SLC44A2: variants seen among roughly 807,000 people sequenced by gnomAD.
SLC44A2 encodes the protein choline transporter-like protein 2.
A neutral mutation model predicts 90.8 loss-of-function variants in SLC44A2; 57 were observed. The ratio of observed to expected loss-of-function variants is 0.63; its 90% confidence interval spans 0.51 to 0.78. SLC44A2 has a LOEUF of 0.78. Ranked by LOEUF, SLC44A2 falls within the 30% of genes least tolerant of loss-of-function variation. The probability of loss-of-function intolerance (pLI) is 0.00; values close to 1 mark genes in which losing one functional copy is unlikely to be tolerated. For missense variants in SLC44A2, 794 were observed against 919.7 expected (o/e 0.86, Z 1.77); for synonymous variants, 355 against 360.7 (o/e 0.98, Z 0.18).
At chr19:10,605,695 A>C (rs983643141) in intron 1 of SLC44A2, among the ~76,000 whole-genome samples, 3 of 151,608 alleles carry the variant, frequency 2.0e-5, no homozygotes, top group Admixed American at 1.3e-4. Flanking sequence ...TCAAAAAAAA[A>C]AAAGGACTCT....
chr19:10,621,884 T>C (rs2066897345), upstream of SLC44A2, among the ~76,000 whole-genome samples: 2 of 152,202 alleles, frequency 1.3e-5, no homozygotes, highest in South Asian at 4.1e-4. Flanking sequence ...CCCAAAGTGC[T>C]GGGATTATAG....
intron 20 of SLC44A2, 134 bp from the exon 21 acceptor site, chr19:10,642,233 G>T (rs1417348062): frequency 4.3e-6 from 3 of 692,226 alleles, no homozygotes. Context: ...GGGGGTGAGG[G>T]GTTGGGATGT....
chr19:10,626,236 ATCT>A lies in SLC44A2; in HGVS notation c.38-12_38-10del, dbSNP rs1465933228. The A allele has an allele frequency of 1.9e-6, 3 of 1,609,362 alleles. No individual in the cohort carries two copies. Among genetic ancestry groups the A allele is most frequent in the African/African-American group, 1.3e-5 (1 of 74,768 alleles). On this transcript the variant is annotated splice_polypyrimidine_tract_variant and intron_variant, in intron 1 of 21. Transcript: ENST00000335757. Reference sequence around the variant, plus strand: ...CAGGTCTCCAATCCCATCCATCTTAATCTTCTTGACTTTCAGGAACGCCACAGA... The same window carrying A: ...CAGGTCTCCAATCCCATCCATCTTAATCTTGACTTTCAGGAACGCCACAGA...
At chr19:10,626,182 G>T (rs1047480528) in intron 1 of SLC44A2, 71 bp from the exon 2 acceptor site, 4 of 1,274,776 alleles carry the variant, frequency 3.1e-6, no homozygotes, top group Non-Finnish European at 4.6e-6. Context: ...GGGCTTTTGG[G>T]AGGGGGCTCT....
intron 16 of SLC44A2, 179 bp from the exon 17 acceptor site, chr19:10,637,465 G>C (rs2067070219): frequency 1.6e-6 from 1 of 608,540 alleles, no homozygotes. Context: ...AGGCTGGAGT[G>C]CAGTGGCACC....
In SLC44A2 at chr19:10,627,973, G is replaced by A. The variant is rs370967005; in HGVS notation, c.214G>A (p.Glu72Lys). The part of the protein sequence containing the change: ...KVIYPTDSRG[E>K]FCGQKGTKNE... ...GATCTACCCCACTGACAGCCGGGGCGAGTTCTGCGGGCAGAAGGGCACAAA... is the reference window on the plus strand; with the variant it reads ...GATCTACCCCACTGACAGCCGGGGCAAGTTCTGCGGGCAGAAGGGCACAAA... Residue 72 changes from glutamate (E) to lysine (K), a missense_variant, in exon 4 of 22, where the codon GAG becomes AAG. Coordinates refer to ENST00000335757, the MANE Select transcript of SLC44A2 (RefSeq NM_020428.4). 1.7e-5 allele frequency: 27 copies of A among 1,613,746 alleles called. No individual in the cohort carries two copies. Among genetic ancestry groups the A allele is most frequent in the Middle Eastern group, 1.6e-4 (1 of 6,082 alleles).
chr19:10,607,343 T>A (rs2144801507), intron 1 of SLC44A2, among the ~76,000 whole-genome samples: 1 of 151,812 alleles, frequency 6.6e-6, no homozygotes, highest in African/African-American at 2.4e-5. Flanking sequence ...CTTTATTCTT[T>A]GTTGTTGTTG....
At position 10,627,928 on chromosome 19, in the gene SLC44A2, C is replaced by G; in HGVS notation, c.169C>G (p.His57Asp). 2 of 1,614,004 alleles carry G rather than the reference C, an allele frequency of 1.2e-6. No homozygotes were observed. Among genetic ancestry groups the G allele is most frequent in the Non-Finnish European group, 1.7e-6 (2 of 1,179,984 alleles). Reference sequence around the variant, plus strand: ...CCTGGATCTTTCCACAGCCTGGACTCATGGAGACCCTCGAAAGGTGATCTA... The same window carrying G: ...CCTGGATCTTTCCACAGCCTGGACTGATGGAGACCCTCGAAAGGTGATCTA... ...YVAVGIIAWT[H>D]GDPRKVIYPT... Residue 57 changes from histidine to aspartate, a missense_variant, in exon 4 of 22, where the codon CAT (histidine) becomes GAT (aspartate). By Grantham distance (81) the His-to-Asp change is moderately conservative (BLOSUM62 -1). This residue lies in a region of SLC44A2 where 738 missense variants were observed against 841.1 expected (regional missense o/e 0.88). Transcript: ENST00000335757.
chr19:10,639,836 G>A (rs546897421), intron 20 of SLC44A2, among the ~76,000 whole-genome samples: 81 of 152,026 alleles, frequency 5.3e-4, no homozygotes, highest in African/African-American at 1.8e-3. Flanking sequence ...AGCCGAGATC[G>A]CGCCACTGCA....
At position 10,643,502 on chromosome 19, in the gene SLC44A2, C is replaced by A; in HGVS notation, c.*117C>A. ...GTCCTATCACTGCCGCTCTGCCCCT[C>A]CCCATGAGCCAGATCCCACCAGTTT... On this transcript the variant is annotated 3_prime_UTR_variant, in exon 22 of 22. Transcript: ENST00000335757. 1 of 1,206,930 alleles carries A rather than the reference C, an allele frequency of 8.3e-7. No individual in the cohort carries two copies. Among genetic ancestry groups the A allele is most frequent in the Non-Finnish European group, 1.1e-6 (1 of 878,564 alleles). 74.8% of individuals were successfully genotyped at this position (1,206,930 alleles called of 1,614,324 possible).
intron 1 of SLC44A2, among the ~76,000 whole-genome samples, chr19:10,605,391 G>C (rs559892824): frequency 6.6e-5 from 10 of 152,228 alleles, no homozygotes; most frequent in Non-Finnish European, 2.9e-5. Context: ...GTGCATGCCT[G>C]TAATCCCAGC....
chr19:10,626,134 T>C, intron 1 of SLC44A2, 119 bp from the exon 2 acceptor site: 2 of 833,692 alleles, frequency 2.4e-6, no homozygotes, highest in South Asian at 2.8e-5. Context: ...TCCACAGGTC[T>C]CTGAATTTTA....
chr19:10,607,283 T>C (rs1344344925), intron 1 of SLC44A2, among the ~76,000 whole-genome samples: 1 of 152,098 alleles, frequency 6.6e-6, no homozygotes, highest in East Asian at 1.9e-4. Context: ...CAAAAGATGT[T>C]ACGGCTTTGA....
chr19:10,613,066 T>C (rs1165207426), intron 1 of SLC44A2, among the ~76,000 whole-genome samples: 1 of 151,590 alleles, frequency 6.6e-6, no homozygotes, highest in Non-Finnish European at 1.5e-5. Context: ...ATTTGTTTGG[T>C]TTTGGTTTTT....
chr19:10,603,681 A>G lies in SLC44A2; in HGVS notation c.31+1120A>G, dbSNP rs773388639. On this transcript the variant is annotated intron_variant, in intron 1 of 21. Coordinates refer to the SLC44A2 transcript ENST00000407327. ...GCCACCTCCCAGCACCCCCTCCCCA[A>G]TTGAAGCTTCCAGCCCAGTCCCCTG... Among the ~76,000 whole-genome samples, 61 of 152,256 alleles carry G rather than the reference A, an allele frequency of 4.0e-4. 1 individual carries two copies. Among genetic ancestry groups the G allele is most frequent in the South Asian group, 2.1e-4 (1 of 4,826 alleles).
rs201993000 is a variant in SLC44A2, at chr19:10,636,595, C to A, written c.1496+10C>A. On this transcript the variant is annotated intron_variant, in intron 15 of 21. Transcript: ENST00000335757. ...TTGGCCGGGCGCTCAGGTGGGCTGGCGTTGCAGGCAGGATGGGGTGGAGGA... is the reference window on the plus strand; with the variant it reads ...TTGGCCGGGCGCTCAGGTGGGCTGGAGTTGCAGGCAGGATGGGGTGGAGGA... 6.2e-7 allele frequency: 1 copy of A among 1,603,528 alleles called. No individual in the cohort carries two copies. Among genetic ancestry groups the A allele is most frequent in the South Asian group, 1.1e-5 (1 of 90,706 alleles).
chr19:10,643,341 A>T lies in SLC44A2; in HGVS notation c.2077A>T (p.Lys693Ter), dbSNP rs747022354. The change falls in exon 22 of 22, where the codon AAG becomes TAG. Residue 693 changes from lysine (K) to a stop codon, truncating the protein, a stop_gained. Coordinates refer to ENST00000335757, the MANE Select transcript of SLC44A2 (RefSeq NM_020428.4). LOFTEE classifies it high-confidence loss of function. ...ERPYFMSSTL[K>*]KLLNKTNKKA... is the part of the protein sequence containing the mutation. ...GCCTTACTTCATGTCTTCCACCCTCAAGAAACTCTTGAACAAGACCAACAA... is the reference window on the plus strand; with the variant it reads ...GCCTTACTTCATGTCTTCCACCCTCTAGAAACTCTTGAACAAGACCAACAA... 5 of 1,612,878 alleles carry T rather than the reference A, an allele frequency of 3.1e-6. No individual in the cohort carries two copies. The highest frequency in any genetic ancestry group is 8.5e-7 in the Non-Finnish European group (1 of 1,179,404).
Position 10,644,085 on chromosome 19 carries a change from T to C in SLC44A2, c.*700T>C. ...CGGGGGTTGGCAGTGGAGAGCAGGC[T>C]GGAGAGGAGATGGCTAATAGCTGTT... On this transcript the variant is annotated 3_prime_UTR_variant, in exon 22 of 22. Transcript: ENST00000335757. 1 of 152,616 alleles carries C rather than the reference T, an allele frequency of 6.6e-6. No individual in the cohort carries two copies. The highest frequency in any genetic ancestry group is 1.9e-4 in the East Asian group (1 of 5,188). The allele number at this position is 152,616 out of a possible 1,614,324, so 9.5% of individuals were successfully genotyped here. A position where few individuals can be genotyped will look rare whatever the true frequency, so the allele number is the denominator to read the frequency against.
rs188705216 is a variant in SLC44A2 at position 10,631,891 on chromosome 19, C to G, written c.650C>G (p.Ala217Gly). 13 of 1,614,238 alleles carry G rather than the reference C, an allele frequency of 8.1e-6. No homozygotes were observed. The highest frequency in any genetic ancestry group is 1.1e-5 in the Non-Finnish European group (13 of 1,180,050). Reference sequence around the variant, plus strand: ...AGGAAAGCCAATGGAGTCCTAGAGGCGCGGCAACTCGCCATGCGCATATTT... The same window carrying G: ...AGGAAAGCCAATGGAGTCCTAGAGGGGCGGCAACTCGCCATGCGCATATTT... ...GAKKANGVLE[A>G]RQLAMRIFED... Residue 217 changes from alanine (A) to glycine (G), a missense_variant, in exon 9 of 22, where the codon GCG becomes GGG. By Grantham distance (60) the Ala-to-Gly change is moderately conservative (BLOSUM62 0). Transcript: ENST00000335757.
Sources: gnomAD v4.1 joint callset for allele counts (sites outside exome capture counted in the v4.1 genomes callset) on GRCh38, gnomAD v4.1.1 for gene constraint, gnomAD v4.1.1 regional missense constraint, MANE v1.5 for transcripts, NCBI Gene and HGNC (gene_info 2026-07-23, HGNC 2026-07-21) for gene names.